The following POC1B variants were observed in gnomAD, a reference collection of about 807,000 sequenced individuals.
POC1B encodes the protein POC1 centriolar protein homolog B.
In POC1B, 44 loss-of-function variants were observed where a neutral mutation model predicts 60.6. The observed-to-expected ratio is 0.73, with a 90% CI of 0.57 to 0.93. The LOEUF is 0.93. Ranked by LOEUF, POC1B falls within the 40% of genes least tolerant of loss-of-function variation. POC1B has a pLI of 0.00. For synonymous variants in POC1B, 180 were observed against 198.9 expected, an observed-to-expected ratio of 0.90 and a Z score of 0.80; for missense variants, 555 against 572.3, an observed-to-expected ratio of 0.97 and a Z score of 0.31.
chr12:89,455,788 G>A (rs1882228669), intron 10 of POC1B, among the ~76,000 whole-genome samples: 1 of 152,124 alleles, frequency 6.6e-6, no homozygotes, highest in African/African-American at 2.4e-5. Context: ...ACAGTTGCCA[G>A]GATGAAGATG....
intron 2 of POC1B, among the ~76,000 whole-genome samples, chr12:89,510,998 G>C (rs1202837196): frequency 1.3e-5 from 2 of 151,844 alleles, no homozygotes; most frequent in African/African-American, 4.8e-5. Context: ...CAGGTGATCT[G>C]CCTACTTCGG....
intron 10 of POC1B, among the ~76,000 whole-genome samples, chr12:89,437,667 C>T (rs563294784): frequency 6.6e-6 from 1 of 151,872 alleles, no homozygotes; most frequent in South Asian, 2.1e-4. Context: ...AATTTAGGCC[C>T]ATATCATTAT....
chr12:89,429,403 G>A (rs998503987), intron 10 of POC1B: 7 of 152,062 alleles, frequency 4.6e-5, no homozygotes, highest in Non-Finnish European at 7.4e-5. Context: ...GCATGGGGGA[G>A]GTTCAATACA....
chr12:89,407,913 C>T, the POC1B span, among the ~76,000 whole-genome samples: 2 of 152,268 alleles, frequency 1.3e-5, no homozygotes, highest in East Asian at 3.9e-4. Flanking sequence ...CCTATCAACC[C>T]ATCATCTACA....
chr12:89,445,987 A>C (rs575480489), intron 10 of POC1B, among the ~76,000 whole-genome samples: 1 of 152,392 alleles, frequency 6.6e-6, no homozygotes, highest in South Asian at 2.1e-4. Context: ...TATGCAGCCA[A>C]CAGACACATG....
At chr12:89,454,797 T>C (rs923707036) in intron 10 of POC1B, among the ~76,000 whole-genome samples, 2 of 152,184 alleles carry the variant, frequency 1.3e-5, no homozygotes, top group Non-Finnish European at 2.9e-5. Context: ...TCTCTCTGAC[T>C]GGAATGTAGA....
At chr12:89,432,615 C>A (rs1271876919) in intron 10 of POC1B, among the ~76,000 whole-genome samples, 1 of 151,838 alleles carries the variant, frequency 6.6e-6, no homozygotes, top group Non-Finnish European at 1.5e-5. Flanking sequence ...TGATGTAATG[C>A]TAGGTGACAA....
At chr12:89,426,869 T>C (rs1880788170) in intron 10 of POC1B, 2 of 151,714 alleles carry the variant, frequency 1.3e-5, no homozygotes, top group Admixed American at 1.3e-4. Context: ...TGGAAACTAT[T>C]ATACAAACCA....
chr12:89,464,740 C>G (rs1479311576), intron 9 of POC1B, among the ~76,000 whole-genome samples: 3 of 150,818 alleles, frequency 2.0e-5, no homozygotes, highest in Non-Finnish European at 4.4e-5. Flanking sequence ...CCCACCTCGG[C>G]CTTCCAAAGT....
intron 10 of POC1B, among the ~76,000 whole-genome samples, chr12:89,436,570 T>C (rs191699240): frequency 3.3e-5 from 5 of 152,130 alleles, no homozygotes; most frequent in Middle Eastern, 3.4e-3. Context: ...AAAAATTAGC[T>C]GGGCTTGGTG....
intron 10 of POC1B, among the ~76,000 whole-genome samples, chr12:89,445,186 G>A (rs576797413): frequency 6.6e-6 from 1 of 152,240 alleles, no homozygotes; most frequent in African/African-American, 2.4e-5. Context: ...ACTGCCCAAG[G>A]TAATTTATAG....
chr12:89,448,601 A>C (rs1052549339), intron 10 of POC1B, among the ~76,000 whole-genome samples: 7 of 152,216 alleles, frequency 4.6e-5, no homozygotes, highest in Admixed American at 2.0e-4. Flanking sequence ...CTGCCAAGGG[A>C]GGTAAAGCCA....
At chr12:89,502,678 G>A in intron 2 of POC1B, 1 of 1,336,054 alleles carries the variant, frequency 7.5e-7, no homozygotes, top group Non-Finnish European at 1.1e-6. Context: ...ATGGTGAGTT[G>A]AAGGTATATA....
intron 10 of POC1B, among the ~76,000 whole-genome samples, chr12:89,446,122 G>A (rs1881775443): frequency 6.6e-6 from 1 of 152,208 alleles, no homozygotes; most frequent in Non-Finnish European, 1.5e-5. Flanking sequence ...TGGAGAGGAT[G>A]TGGAGAAATA....
At chr12:89,523,471 A>T in intron 2 of POC1B, 3 of 1,613,800 alleles carry the variant, frequency 1.9e-6, no homozygotes, top group Non-Finnish European at 2.5e-6. Flanking sequence ...CACATGGCCC[A>T]CGTGGGAACA....
At chr12:89,483,843 A>T (rs1868484388) in intron 4 of POC1B, among the ~76,000 whole-genome samples, 1 of 148,976 alleles carries the variant, frequency 6.7e-6, no homozygotes, top group East Asian at 2.0e-4. Flanking sequence ...AAGAAATGAT[A>T]TCAGATGGAA....
chr12:89,410,651 C>T, the POC1B span, among the ~76,000 whole-genome samples: 1 of 150,134 alleles, frequency 6.7e-6, no homozygotes, highest in Non-Finnish European at 1.5e-5. Flanking sequence ...TGCACTCCAG[C>T]CTGGGCAACA....
At chr12:89,422,491 A>G (rs1880582466) in intron 11 of POC1B, among the ~76,000 whole-genome samples, 1 of 152,062 alleles carries the variant, frequency 6.6e-6, no homozygotes, top group Non-Finnish European at 1.5e-5. Context: ...CTGTTCTTCC[A>G]TCTTCTGTAC....
intron 9 of POC1B, among the ~76,000 whole-genome samples, chr12:89,465,155 C>T (rs1290294824): frequency 6.6e-6 from 1 of 152,104 alleles, no homozygotes; most frequent in Non-Finnish European, 1.5e-5. Flanking sequence ...CAGCCTGACC[C>T]AGCAACACAA....
Sources: allele counts gnomAD v4.1 joint callset (sites outside exome capture counted in the v4.1 genomes callset), GRCh38; gene constraint gnomAD v4.1.1; transcripts MANE v1.5; gene names NCBI Gene and HGNC (gene_info 2026-07-23, HGNC 2026-07-21).